RHEB: variants seen among roughly 807,000 people sequenced by gnomAD.
RHEB encodes the protein GTP-binding protein Rheb.
RHEB carries 2 observed loss-of-function variants against 28.8 expected under a neutral mutation model. That is an observed-to-expected ratio of 0.07 (90% CI 0.03 to 0.22). RHEB has a LOEUF of 0.22. RHEB is among the 10% of genes least tolerant of loss of function. The pLI, the probability that RHEB is intolerant of heterozygous loss-of-function variation, is 1.00. For missense variants in RHEB, 76 were observed against 219.9 expected (o/e 0.35, Z 4.14); for synonymous variants, 69 against 77.3 (o/e 0.89, Z 0.56).
chr7:151,471,609 TA>T lies in RHEB; in HGVS notation c.276-5del. 6.4e-7 allele frequency: 1 copy of T among 1,574,788 alleles called. No homozygotes were observed. Among genetic ancestry groups the T allele is most frequent in the Non-Finnish European group, 8.7e-7 (1 of 1,153,060 alleles). On this transcript the variant is annotated splice_polypyrimidine_tract_variant and splice_region_variant and intron_variant, in intron 4 of 7. Transcript: ENST00000262187. ...GATAACTTTAATCACTTCAAAACTA[TA>T]AAACAAAAAGTATAAATTAGACATC... is the stretch of plus-strand genomic sequence containing the variant.
intron 6 of RHEB, 125 bp downstream of exon 6, chr7:151,471,269 G>A (rs1454972635): frequency 7.4e-6 from 5 of 673,606 alleles, no homozygotes; most frequent in Non-Finnish European, 1.3e-5. Flanking sequence ...TGCTGCACAC[G>A]ACCATAACAC....
In RHEB at chr7:151,503,399, G is replaced by A. The variant is rs764171270; in HGVS notation, c.53-12385C>T. The A allele has an allele frequency of 2.5e-5, 28 of 1,142,750 alleles. 1 individual carries two copies. Among genetic ancestry groups the A allele is most frequent in the African/African-American group, 6.1e-5 (4 of 66,020 alleles). The allele number at this position is 1,142,750 out of a possible 1,614,324, so 70.8% of individuals were successfully genotyped here. A position where few individuals can be genotyped will look rare whatever the true frequency, so the allele number is the denominator to read the frequency against. The stretch of plus-strand genomic sequence containing the variant: ...GGAATTGGAGGTATCCTGCAGTACC[G>A]AGTAGATTTCCAGGGAATGGAATAC... On this transcript the variant is annotated intron_variant, in intron 1 of 7. Transcript: ENST00000262187.
chr7:151,508,664 C>T (rs1184116102), intron 1 of RHEB, among the ~76,000 whole-genome samples: 1 of 150,108 alleles, frequency 6.7e-6, no homozygotes, highest in Non-Finnish European at 1.5e-5. Context: ...CCTCAGCCTC[C>T]CACTTTTGTA....
At position 151,508,634 on chromosome 7, in the gene RHEB, G is replaced by GTTT. The variant is rs35707066; in HGVS notation, c.52+10823_52+10825dup. On this transcript the variant is annotated intron_variant, in intron 1 of 7. Transcript: ENST00000262187. ...AAAATTACATTAGGTTATATTTTTA[G>GTTT]TTTTTTTTTTTTTTTGAGACCTCAG... 2.4e-3 allele frequency among the ~76,000 whole-genome samples: 345 copies of GTTT among 142,872 alleles called. 5 individuals are homozygous for GTTT. Among genetic ancestry groups the GTTT allele is most frequent in the African/African-American group, 7.7e-3 (296 of 38,680 alleles). 93.7% of individuals were successfully genotyped at this position (142,872 alleles called of 152,430 possible). A position where few individuals can be genotyped will look rare whatever the true frequency, so the allele number is the denominator to read the frequency against.
chr7:151,497,979 A>G (rs1172313911), intron 1 of RHEB: 1 of 503,716 alleles, frequency 2.0e-6, no homozygotes, highest in Admixed American at 2.4e-5. Context: ...TCAGTGTTAC[A>G]GGGAACTCTT....
chr7:151,483,075 G>A (rs1361309705), intron 3 of RHEB, among the ~76,000 whole-genome samples: 1 of 152,222 alleles, frequency 6.6e-6, no homozygotes, highest in African/African-American at 2.4e-5. Context: ...CACCAGCAGG[G>A]AGTGTGTAGG....
At chr7:151,515,140 TCA>T (rs1216497657) in intron 1 of RHEB, among the ~76,000 whole-genome samples, 4 of 150,704 alleles carry the variant, frequency 2.7e-5, no homozygotes, top group Non-Finnish European at 5.9e-5. Flanking sequence ...TGTGGTATAC[TCA>T]CATGACAGAA....
At chr7:151,503,811 T>C (rs556332914) in intron 1 of RHEB, among the ~76,000 whole-genome samples, 56 of 152,296 alleles carry the variant, frequency 3.7e-4, no homozygotes, top group African/African-American at 1.3e-3. Context: ...AGTAAAAATA[T>C]TTTAACTGCT....
chr7:151,511,171 C>T (rs1193110871), intron 1 of RHEB, among the ~76,000 whole-genome samples: 1 of 152,148 alleles, frequency 6.6e-6, no homozygotes, highest in African/African-American at 2.4e-5. Flanking sequence ...CATTTCATCT[C>T]ATAAAACTGT....
chr7:151,509,861 T>A (rs1247115692), intron 1 of RHEB, among the ~76,000 whole-genome samples: 1 of 152,208 alleles, frequency 6.6e-6, no homozygotes, highest in African/African-American at 2.4e-5. Context: ...CGTTGATGTA[T>A]TGTCTGTGGC....
intron 1 of RHEB, among the ~76,000 whole-genome samples, chr7:151,507,003 A>C (rs1236210038): frequency 6.6e-6 from 1 of 152,220 alleles, no homozygotes; most frequent in Non-Finnish European, 1.5e-5. Flanking sequence ...CTGGCACATC[A>C]CCATCTCTGC....
At chr7:151,501,439 T>C (rs1802770070) in intron 1 of RHEB, among the ~76,000 whole-genome samples, 1 of 152,206 alleles carries the variant, frequency 6.6e-6, no homozygotes, top group African/African-American at 2.4e-5. Context: ...ATAAAAAATA[T>C]TGGCCATCCC....
chr7:151,516,102 T>C (rs1157130187), intron 1 of RHEB, among the ~76,000 whole-genome samples: 1 of 152,162 alleles, frequency 6.6e-6, no homozygotes, highest in Non-Finnish European at 1.5e-5. Context: ...TAACGGAATG[T>C]CAGGGAGCTG....
chr7:151,484,246 T>A (rs1248549367), intron 3 of RHEB, among the ~76,000 whole-genome samples: 1 of 152,094 alleles, frequency 6.6e-6, no homozygotes, highest in Non-Finnish European at 1.5e-5. Flanking sequence ...AGAACACATA[T>A]CACAAAGAGA....
At chr7:151,503,197 A>C in intron 1 of RHEB, 1 of 783,430 alleles carries the variant, frequency 1.3e-6, no homozygotes, top group Admixed American at 1.7e-5. Context: ...TCTAACTCCA[A>C]AGCAAGAAAA....
rs1802112921 is a variant in RHEB, at chr7:151,468,977, G to A, written c.462+1594C>T. 6.6e-6 allele frequency among the ~76,000 whole-genome samples: 1 copy of A among 152,204 alleles called. No individual in the cohort carries two copies. Among genetic ancestry groups the A allele is most frequent in the African/African-American group, 2.4e-5 (1 of 41,442 alleles). ...TTAATTTCCTCACTTCTAAAATGAG[G>A]CGGTTTAACTACATGATCTGAAGGA... On this transcript the variant is annotated intron_variant, in intron 7 of 7. Coordinates refer to ENST00000262187, the MANE Select transcript of RHEB (RefSeq NM_005614.4). The surrounding 1 kb of genome is among the most constrained non-coding windows in gnomAD (Gnocchi z 4.3).
intron 2 of RHEB, among the ~76,000 whole-genome samples, chr7:151,485,167 CA>C (rs1484491281): frequency 6.6e-6 from 1 of 152,180 alleles, no homozygotes; most frequent in African/African-American, 2.4e-5. Flanking sequence ...ACCAAAACCA[CA>C]AAAATTTTCC....
chr7:151,510,985 G>A (rs1365074085), intron 1 of RHEB, among the ~76,000 whole-genome samples: 2 of 152,196 alleles, frequency 1.3e-5, no homozygotes, highest in Admixed American at 6.5e-5. Flanking sequence ...AGGCTGAGGC[G>A]GGAGGATCCT....
intron 1 of RHEB, chr7:151,503,264 G>GGCCCC (rs374752775): frequency 0.015 from 11,724 of 784,128 alleles, 137 homozygotes; most frequent in Non-Finnish European, 0.016. Flanking sequence ...CTTATCGAGA[G>GGCCCC]CATGCCCCTG....
Sources: allele counts gnomAD v4.1 joint callset (sites outside exome capture counted in the v4.1 genomes callset), GRCh38; gene constraint gnomAD v4.1.1; non-coding constraint Gnocchi (gnomAD v3.1); transcripts MANE v1.5; gene names NCBI Gene and HGNC (gene_info 2026-07-23, HGNC 2026-07-21).